PLPPR5: variants seen among roughly 807,000 people sequenced by gnomAD.
PLPPR5 encodes the protein phospholipid phosphatase-related protein type 5.
PLPPR5 carries 16 observed loss-of-function variants against 33.9 expected under a neutral mutation model. The ratio of observed to expected loss-of-function variants is 0.47; its 90% confidence interval spans 0.32 to 0.72. The LOEUF (loss-of-function observed/expected upper bound fraction) is 0.72, where lower values mean the gene tolerates loss of function less well. Among genes scored for constraint, PLPPR5 ranks in the 30% least tolerant of loss-of-function variants. The probability of loss-of-function intolerance (pLI) is 0.03; values close to 1 mark genes in which losing one functional copy is unlikely to be tolerated. For synonymous variants in PLPPR5, 163 were observed against 150.3 expected, an observed-to-expected ratio of 1.08 and a Z score of -0.62; for missense variants, 301 against 406.7, an observed-to-expected ratio of 0.74 and a Z score of 2.23.
In PLPPR5 at chr1:98,892,937, A is replaced by C; in HGVS notation, c.*135T>G. The C allele has an allele frequency of 1.2e-6, 1 of 853,206 alleles. No homozygotes were observed. The highest frequency in any genetic ancestry group is 1.9e-6 in the Non-Finnish European group (1 of 539,288). 52.9% of individuals were successfully genotyped at this position (853,206 alleles called of 1,614,324 possible). On this transcript the variant is annotated 3_prime_UTR_variant, in exon 6 of 6. Coordinates refer to ENST00000263177, the MANE Select transcript of PLPPR5 (RefSeq NM_001037317.2). ...TCTAGTGGGGGAAACAGATAGGTTG[A>C]CATTGATTTTAAAATTATAAAAATT...
At chr1:98,974,022 C>T (rs1295997961) in intron 1 of PLPPR5, among the ~76,000 whole-genome samples, 1 of 151,818 alleles carries the variant, frequency 6.6e-6, no homozygotes, top group Non-Finnish European at 1.5e-5. Context: ...GGGTAGTGAA[C>T]CATGCTTAAA....
chr1:98,924,690 G>A (rs1034674992), intron 3 of PLPPR5, among the ~76,000 whole-genome samples: 2 of 152,132 alleles, frequency 1.3e-5, no homozygotes, highest in Non-Finnish European at 2.9e-5. Context: ...GTAAAATGTG[G>A]GCTTGGGCTA....
intron 1 of PLPPR5, among the ~76,000 whole-genome samples, chr1:98,977,289 A>G (rs1426497103): frequency 6.6e-6 from 1 of 151,924 alleles, no homozygotes; most frequent in Non-Finnish European, 1.5e-5. Flanking sequence ...AATTAGATGC[A>G]GCTTAAACAT....
intron 3 of PLPPR5, among the ~76,000 whole-genome samples, chr1:98,936,915 A>G (rs1650185377): frequency 6.6e-6 from 1 of 152,182 alleles, no homozygotes; most frequent in Non-Finnish European, 1.5e-5. Context: ...GTTTGAACCA[A>G]TCAACCTATT....
intron 3 of PLPPR5, among the ~76,000 whole-genome samples, chr1:98,952,658 G>GA (rs1486493612): frequency 4.6e-5 from 7 of 152,104 alleles, no homozygotes; most frequent in African/African-American, 1.4e-4. Flanking sequence ...GTGCTTTCTA[G>GA]AAAAAAAGAG....
At chr1:99,002,810 T>A (rs1185644836) in intron 1 of PLPPR5, among the ~76,000 whole-genome samples, 3 of 152,016 alleles carry the variant, frequency 2.0e-5, no homozygotes, top group Non-Finnish European at 4.4e-5. Flanking sequence ...ATTATAGCTA[T>A]GACCAAACCA....
chr1:98,896,089 G>A (rs17392431), intron 5 of PLPPR5, among the ~76,000 whole-genome samples: 25,620 of 151,474 alleles, frequency 0.17, 2,404 homozygotes, highest in Non-Finnish European at 0.21. Context: ...CTAAAGAAGC[G>A]CCAAGATAAT....
chr1:98,967,591 A>G (rs1194769774), intron 1 of PLPPR5, among the ~76,000 whole-genome samples: 3 of 151,586 alleles, frequency 2.0e-5, no homozygotes, highest in Non-Finnish European at 4.4e-5. Flanking sequence ...TCAGCCTCTT[A>G]TTAGCTGAAT....
chr1:99,000,074 C>T (rs2100768276), intron 1 of PLPPR5, among the ~76,000 whole-genome samples: 1 of 152,248 alleles, frequency 6.6e-6, no homozygotes, highest in Admixed American at 6.5e-5. Context: ...CTGTCATCAC[C>T]AGTTCTTTTC....
intron 1 of PLPPR5, among the ~76,000 whole-genome samples, chr1:98,991,937 G>A (rs906651494): frequency 6.6e-6 from 1 of 152,168 alleles, no homozygotes; most frequent in Non-Finnish European, 1.5e-5. Context: ...TTGCCTGCCT[G>A]TCAGGCCAGT....
chr1:98,916,505 T>C (rs538051126), intron 4 of PLPPR5, among the ~76,000 whole-genome samples: 6 of 152,350 alleles, frequency 3.9e-5, no homozygotes, highest in African/African-American at 1.2e-4. Flanking sequence ...ACAGTAAATA[T>C]TTTTGGCTTT....
At chr1:98,933,641 C>G (rs12071288) in intron 3 of PLPPR5, among the ~76,000 whole-genome samples, 1 of 152,048 alleles carries the variant, frequency 6.6e-6, no homozygotes, top group Non-Finnish European at 1.5e-5. Context: ...TACTTGGCAG[C>G]TCCAATTATG....
At chr1:98,909,812 A>T (rs1649054521) in intron 5 of PLPPR5, among the ~76,000 whole-genome samples, 1 of 151,394 alleles carries the variant, frequency 6.6e-6, no homozygotes, top group Admixed American at 6.6e-5. Flanking sequence ...AAGCAGTCAT[A>T]AAAAAGTTAC....
chr1:98,957,135 A>G, intron 1 of PLPPR5, among the ~76,000 whole-genome samples: 1 of 145,284 alleles, frequency 6.9e-6, no homozygotes, highest in Non-Finnish European at 1.5e-5. Flanking sequence ...GAAGTGAACA[A>G]TGAGAACACA....
At chr1:99,003,112 G>A (rs1162126737) in intron 1 of PLPPR5, among the ~76,000 whole-genome samples, 3 of 121,614 alleles carry the variant, frequency 2.5e-5, no homozygotes, top group Non-Finnish European at 5.0e-5. Context: ...ACATTATCTG[G>A]GGCAAGGTCT....
chr1:98,958,074 A>C (rs1651080793), intron 1 of PLPPR5, among the ~76,000 whole-genome samples: 2 of 152,226 alleles, frequency 1.3e-5, no homozygotes, highest in Admixed American at 6.5e-5. Context: ...TACTATGAAC[A>C]ACAGCATGAG....
chr1:98,919,471 C>A (rs1245251483), intron 4 of PLPPR5, among the ~76,000 whole-genome samples: 1 of 152,158 alleles, frequency 6.6e-6, no homozygotes, highest in Non-Finnish European at 1.5e-5. Context: ...TAGGATATTA[C>A]AACATATTAC....
chr1:98,964,696 A>C (rs559664961), intron 1 of PLPPR5, among the ~76,000 whole-genome samples: 1 of 152,308 alleles, frequency 6.6e-6, no homozygotes, highest in South Asian at 2.1e-4. Context: ...GCCCTCAAAC[A>C]ACCTCCAAGG....
intron 1 of PLPPR5, among the ~76,000 whole-genome samples, chr1:99,002,040 C>G (rs1258590742): frequency 6.6e-6 from 1 of 151,900 alleles, no homozygotes; most frequent in Non-Finnish European, 1.5e-5. Context: ...ATGATGGGTA[C>G]TGTTAATATT....
Sources: gnomAD v4.1 joint callset for allele counts (sites outside exome capture counted in the v4.1 genomes callset) on GRCh38, gnomAD v4.1.1 for gene constraint, MANE v1.5 for transcripts, NCBI Gene and HGNC (gene_info 2026-07-23, HGNC 2026-07-21) for gene names.